BCORL1: variants seen among roughly 807,000 people sequenced by gnomAD.
BCORL1 encodes the protein BCL6 corepressor like 1, also known as BCL-6 corepressor-like protein 1.
A neutral mutation model predicts 87.6 loss-of-function variants in BCORL1; 7 were observed. The ratio of observed to expected loss-of-function variants is 0.08; its 90% CI spans 0.05 to 0.15. The LOEUF (loss-of-function observed/expected upper bound fraction) is 0.15, where lower values mean the gene tolerates loss of function less well. BCORL1 is among the 10% of genes least tolerant of loss of function. The probability of loss-of-function intolerance (pLI) is 1.00; values close to 1 mark genes in which losing one functional copy is unlikely to be tolerated. For synonymous variants in BCORL1, 591 were observed against 634.4 expected (o/e 0.93, Z 1.03); for missense variants, 1,215 against 1,499.7 (o/e 0.81, Z 3.13).
rs771572890 is a variant in BCORL1, at chrX:130,057,027, G to T, written c.*891G>T. ...CCCCCCTCCTCACGCCTTCTTCACT[G>T]CCCCCCTCAGAGTGCACAATACGAG... On this transcript the variant is annotated 3_prime_UTR_variant, in exon 14 of 14. Transcript: ENST00000540052. 2.7e-5 allele frequency: 3 copies of T among 109,125 alleles called. No individual in the cohort carries two copies. In the Admixed American group the frequency reaches 2.9e-4, roughly 11 times the overall value. The allele number at this position is 109,125 out of a possible 1,213,427, so 9.0% of individuals were successfully genotyped here.
At chrX:130,023,469 A>G (rs1022112294) in intron 6 of BCORL1, among the ~76,000 whole-genome samples, 1 of 112,055 alleles carries the variant, frequency 8.9e-6, no homozygotes, top group African/African-American at 3.2e-5. Context: ...AGGGACTAAA[A>G]AAAGCTAGCC....
intron 11 of BCORL1, among the ~76,000 whole-genome samples, chrX:130,047,375 C>T (rs745777387): frequency 3.6e-5 from 4 of 111,732 alleles, no homozygotes; most frequent in Non-Finnish European, 5.6e-5. Flanking sequence ...TGTATGTGAA[C>T]GTCCGTGAGG....
At chrX:129,991,824 ATT>A (rs776932581) in intron 1 of BCORL1, among the ~76,000 whole-genome samples, 2 of 91,207 alleles carry the variant, frequency 2.2e-5, no homozygotes, top group Admixed American at 1.2e-4. Context: ...TGCCCAGCTA[ATT>A]TTTTTTTTTT....
chrX:130,029,227 C>A (rs897551199), intron 8 of BCORL1, among the ~76,000 whole-genome samples: 7 of 111,491 alleles, frequency 6.3e-5, no homozygotes, highest in African/African-American at 2.3e-4. Context: ...AGGTAGAAAA[C>A]AACTTGTAGG....
chrX:130,005,790 T>TA (rs1163142316), intron 2 of BCORL1, among the ~76,000 whole-genome samples: 1 of 108,960 alleles, frequency 9.2e-6, no homozygotes, highest in Non-Finnish European at 1.9e-5. Context: ...TAATTTTTTT[T>TA]TTTTTTTGTA....
intron 4 of BCORL1, among the ~76,000 whole-genome samples, chrX:130,020,732 T>C (rs1274514763): frequency 1.8e-5 from 2 of 111,767 alleles, no homozygotes; most frequent in African/African-American, 6.5e-5. Flanking sequence ...CACTGGCTTT[T>C]GAACGCAGAC....
At chrX:130,004,241 GT>G (rs1189082044) in intron 1 of BCORL1, among the ~76,000 whole-genome samples, 1,033 of 85,571 alleles carry the variant, frequency 0.012, 6 homozygotes, top group Middle Eastern at 0.056. Context: ...GAAATGTGTG[GT>G]TTTTTTTTTT....
intron 1 of BCORL1, among the ~76,000 whole-genome samples, chrX:130,004,240 G>GTTTTTTT (rs1569361713): frequency 4.1e-5 from 4 of 98,508 alleles, no homozygotes; most frequent in African/African-American, 1.7e-4. Context: ...AGAAATGTGT[G>GTTTTTTT]GTTTTTTTTT....
At chrX:130,048,388 C>A (rs1931880764) in intron 11 of BCORL1, among the ~76,000 whole-genome samples, 1 of 111,897 alleles carries the variant, frequency 8.9e-6, no homozygotes, top group African/African-American at 3.2e-5. Context: ...CACCTGAGGG[C>A]TGGTGGCAAT....
chrX:130,016,755 T>C (rs1333668998), intron 4 of BCORL1, among the ~76,000 whole-genome samples: 3 of 111,373 alleles, frequency 2.7e-5, no homozygotes, highest in African/African-American at 9.8e-5. Context: ...GCTCGAATGC[T>C]TGAGGCAGCA....
At chrX:130,025,499 G>C in intron 7 of BCORL1, 120 bp downstream of exon 7, 1 of 657,225 alleles carries the variant, frequency 1.5e-6, no homozygotes, top group Non-Finnish European at 2.2e-6. Context: ...ATGATCTCCA[G>C]CTGCCAGAGG....
chrX:130,002,570 A>C (rs1202137340), intron 1 of BCORL1, among the ~76,000 whole-genome samples: 4 of 79,063 alleles, frequency 5.1e-5, no homozygotes, highest in South Asian at 8.8e-4. Flanking sequence ...GAGAAGGGGA[A>C]GGAGGGGGAG....
In BCORL1 at chrX:130,015,547, C is replaced by T. The variant is rs1425571038; in HGVS notation, c.2775C>T (p.Thr925=). The change falls in exon 4 of 14, where the codon ACC becomes ACT. Residue 925 remains threonine, a synonymous_variant. Transcript: ENST00000540052. The part of the protein sequence containing the change: ...YEEQVNPVLL[T]LSPQTGTLAL... ...AACAAGTCAATCCTGTCCTCTTGACCCTCAGCCCTCAGACTGGGACCCTGG... is the reference window on the plus strand; with the variant it reads ...AACAAGTCAATCCTGTCCTCTTGACTCTCAGCCCTCAGACTGGGACCCTGG... 1 of 1,212,217 alleles carries T rather than the reference C, an allele frequency of 8.2e-7. No homozygotes were observed. The highest frequency in any genetic ancestry group is 1.8e-5 in the South Asian group (1 of 57,039).
At chrX:129,997,413 T>C (rs994632701) in intron 1 of BCORL1, among the ~76,000 whole-genome samples, 4 of 111,030 alleles carry the variant, frequency 3.6e-5, no homozygotes, top group Non-Finnish European at 7.5e-5. Flanking sequence ...TGTGTTCTAT[T>C]TGGATTGTTT....
intron 1 of BCORL1, among the ~76,000 whole-genome samples, chrX:129,990,296 A>G (rs1326970900): frequency 3.6e-5 from 4 of 110,364 alleles, no homozygotes; most frequent in African/African-American, 1.3e-4. Flanking sequence ...CAGTGGCGCT[A>G]TCTCGGCTCA....
intron 1 of BCORL1, among the ~76,000 whole-genome samples, chrX:129,995,585 C>T (rs757659357): frequency 1.4e-4 from 15 of 110,667 alleles, no homozygotes; most frequent in East Asian, 2.8e-4. Context: ...GGATTACAGG[C>T]GCACACCACC....
chrX:130,008,967 T>C (rs980683785), intron 2 of BCORL1, among the ~76,000 whole-genome samples: 4 of 111,967 alleles, frequency 3.6e-5, no homozygotes, highest in Non-Finnish European at 7.5e-5. Context: ...TTCAACATAA[T>C]GAGAGCAAAC....
chrX:130,020,298 TCTC>T (rs1162983165), intron 4 of BCORL1, among the ~76,000 whole-genome samples: 1 of 111,518 alleles, frequency 9.0e-6, no homozygotes, highest in Non-Finnish European at 1.9e-5. Context: ...AATATTAGCT[TCTC>T]CTCCCAGGGT....
intron 1 of BCORL1, among the ~76,000 whole-genome samples, chrX:129,992,678 T>A (rs183682252): frequency 4.5e-5 from 5 of 111,531 alleles, no homozygotes; most frequent in African/African-American, 1.3e-4. Flanking sequence ...TTGTCTTTTT[T>A]AAAACCATAT....
Sources: allele counts gnomAD v4.1 joint callset (sites outside exome capture counted in the v4.1 genomes callset), GRCh38; gene constraint gnomAD v4.1.1; transcripts MANE v1.5; gene names NCBI Gene and HGNC (gene_info 2026-07-23, HGNC 2026-07-21).